The following MFAP2 variants were observed in gnomAD, a reference collection of about 807,000 sequenced individuals.
MFAP2 encodes the protein microfibrillar-associated protein 2.
A neutral mutation model predicts 30.6 loss-of-function variants in MFAP2; 23 were observed. That is an observed-to-expected ratio of 0.75 (90% CI 0.54 to 1.07). The LOEUF (loss-of-function observed/expected upper bound fraction) is 1.07. Among genes scored for constraint, MFAP2 ranks in the 50% least tolerant of loss-of-function variants. The pLI is 0.00. For synonymous variants in MFAP2, 73 were observed against 85.7 expected (o/e 0.85, Z 0.82); for missense variants, 198 against 223.8 (o/e 0.88, Z 0.74).
At chr1:16,979,230 C>T (rs2076617644) in intron 1 of MFAP2, 2 of 152,290 alleles carry the variant, frequency 1.3e-5, no homozygotes, top group South Asian at 4.1e-4. Context: ...GGGGGAGCCT[C>T]CGGTTCCCCA....
In MFAP2 at chr1:16,975,774, G is replaced by A. The variant is rs771225173; in HGVS notation, c.287-44C>T. Reference sequence around the variant, plus strand: ...AGACTAGGAGCCCAGAGTGGGGGGCGGCCCCCAGCCTCACCCACCTGAGGC... The same window carrying A: ...AGACTAGGAGCCCAGAGTGGGGGGCAGCCCCCAGCCTCACCCACCTGAGGC... On this transcript the variant is annotated intron_variant, in intron 6 of 8. Transcript: ENST00000375535. The surrounding 1 kb of genome is among the most constrained non-coding windows in gnomAD (Gnocchi z 5.0). The A allele has an allele frequency of 3.2e-6, 5 of 1,575,422 alleles. No individual in the cohort carries two copies. Among genetic ancestry groups the A allele is most frequent in the Middle Eastern group, 1.7e-4 (1 of 5,982 alleles).
rs369256913 is a variant in MFAP2, at chr1:16,975,660, G to A, written c.357C>T (p.Asn119=). Residue 119 remains asparagine, a synonymous_variant, in exon 7 of 9, where the codon AAC becomes AAT. Coordinates refer to ENST00000375535, the MANE Select transcript of MFAP2 (RefSeq NM_002403.4). This position sits in a 1 kb window ranked among gnomAD's most constrained non-coding sequence, Gnocchi z 5.0. ...SIHRPCKQCL[N]EVCFYSLRRV... Reference sequence around the variant, plus strand: ...GTGCTCACCTGTAGAAGCAGACCTCGTTGAGACACTGTTTGCAAGGCCTGT... The same window carrying A: ...GTGCTCACCTGTAGAAGCAGACCTCATTGAGACACTGTTTGCAAGGCCTGT... 2.1e-5 allele frequency: 34 copies of A among 1,613,918 alleles called. No homozygotes were observed. The highest frequency in any genetic ancestry group is 2.5e-5 in the Non-Finnish European group (29 of 1,179,964).
Position 16,975,400 on chromosome 1 carries a change from A to G in MFAP2, c.375-58T>C, listed in dbSNP as rs1008657854. 4 of 1,577,944 alleles carry G rather than the reference A, an allele frequency of 2.5e-6. No individual in the cohort carries two copies. Among genetic ancestry groups the G allele is most frequent in the Middle Eastern group, 1.8e-4 (1 of 5,580 alleles). On this transcript the variant is annotated intron_variant, in intron 7 of 8. Transcript: ENST00000375535. The surrounding 1 kb of genome is among the most constrained non-coding windows in gnomAD (Gnocchi z 5.0). ...CACTTCCACCCAATCCCACTGGGAT[A>G]GCCCAGACAGAACCTGGCACGGGAG...
intron 2 of MFAP2, 71 bp from the exon 3 acceptor site, chr1:16,977,269 G>C: frequency 6.8e-7 from 1 of 1,475,512 alleles, no homozygotes; most frequent in East Asian, 2.4e-5. Context: ...CTTCTGGAGA[G>C]TGGAGGCGGG....
Position 16,974,968 on chromosome 1 carries a change from C to G in MFAP2, c.504G>C (p.Leu168=). ...SKCGVMASSG[L]CQSVAASCAR... Reference sequence around the variant, plus strand: ...CACAGGAGGCCGCCACGGATTGGCACAGGCCGCTGCTGGCCATCACGCCAC... The same window carrying G: ...CACAGGAGGCCGCCACGGATTGGCAGAGGCCGCTGCTGGCCATCACGCCAC... The change falls in exon 9 of 9, where the codon CTG becomes CTC. Residue 168 remains leucine (L), a synonymous_variant. Transcript: ENST00000375535. 2 of 1,080,676 alleles carry G rather than the reference C, an allele frequency of 1.9e-6. No individual in the cohort carries two copies. Among genetic ancestry groups the G allele is most frequent in the Non-Finnish European group, 2.8e-6 (2 of 724,524 alleles). The allele number at this position is 1,080,676 out of a possible 1,614,324, so 66.9% of individuals were successfully genotyped here. A position where few individuals can be genotyped will look rare whatever the true frequency, so the allele number is the denominator to read the frequency against.
rs891260612 is a variant in MFAP2 at position 16,980,614 on chromosome 1, C to G, written c.-69G>C. 2.6e-5 allele frequency: 4 copies of G among 152,296 alleles called. No individual in the cohort carries two copies. Among genetic ancestry groups the G allele is most frequent in the East Asian group, 3.9e-4 (2 of 5,084 alleles). 9.4% of individuals were successfully genotyped at this position (152,296 alleles called of 1,614,324 possible). On this transcript the variant is annotated 5_prime_UTR_variant, in exon 1 of 9. Transcript: ENST00000375535. ...GTCCGGGTCACTCCGCCGCCCGCTC[C>G]GAGTCCGCCCGCCGGAGCCGCCCCT...
At chr1:16,979,840 C>CGGGGAGGCAGGAAAGA (rs1401664424) in intron 1 of MFAP2, among the ~76,000 whole-genome samples, 1 of 152,150 alleles carries the variant, frequency 6.6e-6, no homozygotes, top group East Asian at 1.9e-4. Context: ...CACGGGCTAG[C>CGGGGAGGCAGGAAAGA]GGGGAGGCAG....
Position 16,974,932 on chromosome 1 carries a change from A to G in MFAP2, c.540T>C (p.Cys180=), listed in dbSNP as rs1238105257. The part of the protein sequence containing the change: ...QSVAASCARS[C]GSC The stretch of plus-strand genomic sequence containing the variant: ...TGCCAGCACCACCCTAGCAGCTCCC[A>G]CAGCTCCTGGCACAGGAGGCCGCCA... Residue 180 remains cysteine (C), a synonymous_variant, in exon 9 of 9, where the codon TGT becomes TGC. Coordinates refer to ENST00000375535, the MANE Select transcript of MFAP2 (RefSeq NM_002403.4). The G allele has an allele frequency of 1.2e-6, 1 of 866,204 alleles. No individual in the cohort carries two copies. The highest frequency in any genetic ancestry group is 1.5e-5 in the South Asian group (1 of 65,518). The allele number at this position is 866,204 out of a possible 1,614,324, so 53.7% of individuals were successfully genotyped here. A position where few individuals can be genotyped will look rare whatever the true frequency, so the allele number is the denominator to read the frequency against.
At chr1:16,977,355 G>A in intron 2 of MFAP2, 157 bp from the exon 3 acceptor site, 1 of 688,560 alleles carries the variant, frequency 1.5e-6, no homozygotes, top group Non-Finnish European at 2.4e-6. Context: ...TTCTTCGATG[G>A]TAAAGACCCT....
chr1:16,975,444 C>T lies in MFAP2; in HGVS notation c.375-102G>A, dbSNP rs574109377. 1.6e-6 allele frequency: 2 copies of T among 1,281,964 alleles called. No homozygotes were observed. The highest frequency in any genetic ancestry group is 2.4e-5 in the East Asian group (1 of 40,972). The allele number at this position is 1,281,964 out of a possible 1,614,324, so 79.4% of individuals were successfully genotyped here. A position where few individuals can be genotyped will look rare whatever the true frequency, so the allele number is the denominator to read the frequency against. On this transcript the variant is annotated intron_variant, in intron 7 of 8. Transcript: ENST00000375535. The surrounding 1 kb of genome is among the most constrained non-coding windows in gnomAD (Gnocchi z 5.0). ...ACGGGAGCCCGGACAGAACCTGGCA[C>T]GGGAGCCCGGACAGAACCTGGCACT...
Position 16,976,378 on chromosome 1 carries a change from C to T in MFAP2, c.286+123G>A. On this transcript the variant is annotated intron_variant, in intron 6 of 8. Transcript: ENST00000375535. This position sits in a 1 kb window ranked among gnomAD's most constrained non-coding sequence, Gnocchi z 5.5. Reference sequence around the variant, plus strand: ...ATGCCAGCCTACGGCAGTCATACTGCCCACACTGCCAAGAGCCCACATGGG... The same window carrying T: ...ATGCCAGCCTACGGCAGTCATACTGTCCACACTGCCAAGAGCCCACATGGG... The T allele has an allele frequency of 7.8e-7, 1 of 1,273,954 alleles. No individual in the cohort carries two copies. Among genetic ancestry groups the T allele is most frequent in the Middle Eastern group, 2.0e-4 (1 of 5,034 alleles). 78.9% of individuals were successfully genotyped at this position (1,273,954 alleles called of 1,614,324 possible).
In MFAP2 at chr1:16,975,413, CCTGGCACGGGAGCCCGGACAG is replaced by C; in HGVS notation, c.375-92_375-72del. 3 of 1,027,502 alleles carry C rather than the reference CCTGGCACGGGAGCCCGGACAG, an allele frequency of 2.9e-6. No individual in the cohort carries two copies. The highest frequency in any genetic ancestry group is 3.7e-6 in the Non-Finnish European group (3 of 809,654). The allele number at this position is 1,027,502 out of a possible 1,614,324, so 63.6% of individuals were successfully genotyped here. A position where few individuals can be genotyped will look rare whatever the true frequency, so the allele number is the denominator to read the frequency against. ...TCCCACTGGGATAGCCCAGACAGAA[CCTGGCACGGGAGCCCGGACAG>C]AACCTGGCACGGGAGCCCGGACAGA... is the stretch of plus-strand genomic sequence containing the variant. On this transcript the variant is annotated intron_variant, in intron 7 of 8. Coordinates refer to ENST00000375535, the MANE Select transcript of MFAP2 (RefSeq NM_002403.4). The surrounding 1 kb of genome is among the most constrained non-coding windows in gnomAD (Gnocchi z 5.0).
At chr1:16,981,278 C>T (rs1019989690), upstream of MFAP2, among the ~76,000 whole-genome samples, 3 of 152,186 alleles carry the variant, frequency 2.0e-5, no homozygotes, top group Non-Finnish European at 4.4e-5. Context: ...TCCCTGCCCC[C>T]GGCCATAACC....
rs762422090 is a variant in MFAP2, at chr1:16,977,945, C to A, written c.37+292G>T. ...TGCCCCTGCACCTGCACATCGGCTCCCAGAGAGGCCTTGTGCCTTGTGCCC... is the reference window on the plus strand; with the variant it reads ...TGCCCCTGCACCTGCACATCGGCTCACAGAGAGGCCTTGTGCCTTGTGCCC... On this transcript the variant is annotated intron_variant, in intron 2 of 8. Transcript: ENST00000375535. The A allele has an allele frequency of 7.3e-5, 27 of 369,760 alleles. No individual in the cohort carries two copies. The South Asian group carries it at 8.4e-4, about 12-fold the overall frequency. The allele number at this position is 369,760 out of a possible 1,614,324, so 22.9% of individuals were successfully genotyped here. A position where few individuals can be genotyped will look rare whatever the true frequency, so the allele number is the denominator to read the frequency against.
In MFAP2 at chr1:16,976,900, G is replaced by A; in HGVS notation, c.151C>T (p.Gln51Ter). Reference sequence around the variant, plus strand: ...TATCCTACCCCTAGCCCGTTACCTTGATAATCATAGTAGTCTGGGTTGTCT... The same window carrying A: ...TATCCTACCCCTAGCCCGTTACCTTAATAATCATAGTAGTCTGGGTTGTCT... ...QIDNPDYYDY[Q>*]EVTPRPSEEQ... Residue 51 changes from glutamine (Q) to a stop codon, truncating the protein, a stop_gained, in exon 4 of 9, where the codon CAA becomes TAA. Transcript: ENST00000375535. LOFTEE classifies it high-confidence loss of function. This position sits in a 1 kb window ranked among gnomAD's most constrained non-coding sequence, Gnocchi z 5.5. 1.2e-6 allele frequency: 2 copies of A among 1,614,110 alleles called. No individual in the cohort carries two copies. The highest frequency in any genetic ancestry group is 1.3e-5 in the African/African-American group (1 of 75,018).
In MFAP2 at chr1:16,976,665, G is replaced by A; in HGVS notation, c.241+43C>T. 6.2e-7 allele frequency: 1 copy of A among 1,610,272 alleles called. No homozygotes were observed. The highest frequency in any genetic ancestry group is 8.5e-7 in the Non-Finnish European group (1 of 1,177,908). ...CAGGGTTGACAGGGTGGGGAGGGGTGAGGCAGGAGCTGAGACGGGTGGGAG... is the reference window on the plus strand; with the variant it reads ...CAGGGTTGACAGGGTGGGGAGGGGTAAGGCAGGAGCTGAGACGGGTGGGAG... On this transcript the variant is annotated intron_variant, in intron 5 of 8. Coordinates refer to ENST00000375535, the MANE Select transcript of MFAP2 (RefSeq NM_002403.4). This position sits in a 1 kb window ranked among gnomAD's most constrained non-coding sequence, Gnocchi z 5.5.
At position 16,976,287 on chromosome 1, in the gene MFAP2, T is replaced by C; in HGVS notation, c.286+214A>G. Reference sequence around the variant, plus strand: ...GTCAGGGGCCTTCCTAGGCTGCCAATTTAGCCTCCAGCCAGGCACACTGGG... The same window carrying C: ...GTCAGGGGCCTTCCTAGGCTGCCAACTTAGCCTCCAGCCAGGCACACTGGG... On this transcript the variant is annotated intron_variant, in intron 6 of 8. Coordinates refer to ENST00000375535, the MANE Select transcript of MFAP2 (RefSeq NM_002403.4). The surrounding 1 kb of genome is among the most constrained non-coding windows in gnomAD (Gnocchi z 5.5). 1 of 628,208 alleles carries C rather than the reference T, an allele frequency of 1.6e-6. No individual in the cohort carries two copies. The highest frequency in any genetic ancestry group is 1.8e-5 in the African/African-American group (1 of 54,470). The allele number at this position is 628,208 out of a possible 1,614,324, so 38.9% of individuals were successfully genotyped here. A position where few individuals can be genotyped will look rare whatever the true frequency, so the allele number is the denominator to read the frequency against.
Position 16,978,279 on chromosome 1 carries a change from CAA to C in MFAP2, c.-8_-7del. The C allele has an allele frequency of 6.3e-7, 1 of 1,577,114 alleles. No individual in the cohort carries two copies. Among genetic ancestry groups the C allele is most frequent in the Non-Finnish European group, 8.6e-7 (1 of 1,160,980 alleles). ...AAGAGGTAGGCAGCTCTCATGGCAA[CAA>C]AGAGGCAGGCCGGGGTGGTGTCAGA... is the stretch of plus-strand genomic sequence containing the variant. On this transcript the variant is annotated 5_prime_UTR_variant, in exon 2 of 9. Transcript: ENST00000375535.
In MFAP2 at chr1:16,975,708, C is replaced by A. The variant is rs766634623; in HGVS notation, c.309G>T (p.Pro103=). ...GPLDCREEQY[P]CTRLYSIHRP... is the part of the protein sequence containing the mutation. ...TGTGTATGGAGTAGAGGCGGGTGCA[C>A]GGGTACTGTTCCTCACGGCAGTCTG... is the stretch of plus-strand genomic sequence containing the variant. Residue 103 remains proline (P), a synonymous_variant, in exon 7 of 9, where the codon CCG becomes CCT. Transcript: ENST00000375535. This position sits in a 1 kb window ranked among gnomAD's most constrained non-coding sequence, Gnocchi z 5.0. The A allele has an allele frequency of 6.2e-6, 10 of 1,613,268 alleles. No homozygotes were observed. Among genetic ancestry groups the A allele is most frequent in the Non-Finnish European group, 8.5e-6 (10 of 1,179,704 alleles).
Sources: gnomAD v4.1 joint callset for allele counts (sites outside exome capture counted in the v4.1 genomes callset) on GRCh38, gnomAD v4.1.1 for gene constraint, Gnocchi (gnomAD v3.1) non-coding constraint, MANE v1.5 for transcripts, NCBI Gene and HGNC (gene_info 2026-07-23, HGNC 2026-07-21) for gene names.